ATXN1: variants seen among roughly 807,000 people sequenced by gnomAD.
ATXN1 encodes the protein ataxin-1.
A neutral mutation model predicts 56.4 loss-of-function variants in ATXN1; 8 were observed. The observed-to-expected ratio is 0.14, with a 90% CI of 0.08 to 0.26. The LOEUF (loss-of-function observed/expected upper bound fraction) is 0.26, where lower values mean the gene tolerates loss of function less well. Among genes scored for constraint, ATXN1 ranks in the 10% least tolerant of loss-of-function variants. The pLI, the probability that ATXN1 is intolerant of heterozygous loss-of-function variation, is 1.00. For synonymous variants in ATXN1, 514 were observed against 494.6 expected (o/e 1.04, Z -0.52); for missense variants, 987 against 1,106.5 (o/e 0.89, Z 1.53).
chr6:16,441,137 G>A (rs1176947555), intron 6 of ATXN1, among the ~76,000 whole-genome samples: 1 of 152,160 alleles, frequency 6.6e-6, no homozygotes, highest in Non-Finnish European at 1.5e-5. Flanking sequence ...AGGTGCTTAG[G>A]TGTTACGGAG....
chr6:16,564,286 A>G (rs1233539372), intron 4 of ATXN1, among the ~76,000 whole-genome samples: 1 of 150,258 alleles, frequency 6.7e-6, no homozygotes, highest in Non-Finnish European at 1.5e-5. Flanking sequence ...AGAGGAGGCC[A>G]TCGTGAAGCG....
At chr6:16,462,594 A>G (rs1259509477) in intron 6 of ATXN1, among the ~76,000 whole-genome samples, 5 of 152,140 alleles carry the variant, frequency 3.3e-5, no homozygotes, top group Non-Finnish European at 5.9e-5. Context: ...CGGGACAAAA[A>G]TCCTAATCAC....
At chr6:16,652,122 A>T (rs1414179356) in intron 3 of ATXN1, 1 of 152,240 alleles carries the variant, frequency 6.6e-6, no homozygotes, top group African/African-American at 2.4e-5. Flanking sequence ...TTAGCCTGTG[A>T]TAGCATCAGC....
chr6:16,532,939 T>A (rs2113708252), intron 4 of ATXN1, among the ~76,000 whole-genome samples: 1 of 152,330 alleles, frequency 6.6e-6, no homozygotes. Context: ...ATACCAGTGT[T>A]CATAGCCACA....
chr6:16,594,089 AG>A (rs1433846555), intron 3 of ATXN1, among the ~76,000 whole-genome samples: 1 of 149,436 alleles, frequency 6.7e-6, no homozygotes, highest in East Asian at 1.9e-4. Flanking sequence ...ATTAGTCTAC[AG>A]GGATAGAAGC....
chr6:16,343,606 C>G (rs1350763994), intron 6 of ATXN1, among the ~76,000 whole-genome samples: 1 of 152,170 alleles, frequency 6.6e-6, no homozygotes, highest in Non-Finnish European at 1.5e-5. Flanking sequence ...TGTCACTGCT[C>G]TATCATGTCA....
chr6:16,673,187 C>T (rs1164554074), intron 2 of ATXN1, among the ~76,000 whole-genome samples: 2 of 129,150 alleles, frequency 1.5e-5, no homozygotes, highest in African/African-American at 6.0e-5. Flanking sequence ...AAAACAGTTG[C>T]TTTAAGCCAC....
chr6:16,655,407 G>A (rs1448488532), intron 3 of ATXN1, among the ~76,000 whole-genome samples: 20 of 151,852 alleles, frequency 1.3e-4, no homozygotes, highest in Admixed American at 1.1e-3. Context: ...CTGTAGTCTC[G>A]GCTACTGGTC....
At chr6:16,630,504 A>G (rs559958932) in intron 3 of ATXN1, among the ~76,000 whole-genome samples, 27 of 152,338 alleles carry the variant, frequency 1.8e-4, no homozygotes, top group Admixed American at 6.5e-4. Context: ...AAAAGCTAAC[A>G]GAAGTGACCA....
At chr6:16,691,294 C>T (rs929682385) in intron 2 of ATXN1, among the ~76,000 whole-genome samples, 13 of 152,154 alleles carry the variant, frequency 8.5e-5, no homozygotes, top group Admixed American at 5.9e-4. Context: ...CTTACACCTA[C>T]GGCATCCATG....
At chr6:16,551,064 T>A (rs1175549066) in intron 4 of ATXN1, among the ~76,000 whole-genome samples, 1 of 152,192 alleles carries the variant, frequency 6.6e-6, no homozygotes, top group African/African-American at 2.4e-5. Context: ...TAATTCAACC[T>A]AACATCCTTG....
In ATXN1 at chr6:16,378,460, G is replaced by A. The variant is rs141094055; in HGVS notation, c.-160-49990C>T. 2.1e-4 allele frequency among the ~76,000 whole-genome samples: 32 copies of A among 152,242 alleles called. 1 individual carries two copies. Among genetic ancestry groups the A allele is most frequent in the African/African-American group, 6.5e-4 (27 of 41,536 alleles). The stretch of plus-strand genomic sequence containing the variant: ...CAGGAGCACAGAATATGTAACTTGT[G>A]GAGCCAGGACTAGAAAACAAATCTA... On this transcript the variant is annotated intron_variant, in intron 6 of 7. Coordinates refer to ENST00000436367, the MANE Select transcript of ATXN1 (RefSeq NM_001128164.2).
At chr6:16,411,854 A>G (rs1253486296) in intron 6 of ATXN1, among the ~76,000 whole-genome samples, 3 of 152,218 alleles carry the variant, frequency 2.0e-5, no homozygotes, top group Non-Finnish European at 4.4e-5. Context: ...GATATGCCAC[A>G]TATCATCTTG....
Position 16,673,056 on chromosome 6 carries a change from C to T in ATXN1, c.-614-15155G>A, listed in dbSNP as rs963052969. ...AAAAAAGAAAAGAAAAGAAAGAAAA[C>T]GGAAAAGGCAAGGATATGAATTATT... On this transcript the variant is annotated intron_variant, in intron 2 of 7. Transcript: ENST00000436367. Among the ~76,000 whole-genome samples the T allele has an allele frequency of 7.6e-5, 11 of 145,218 alleles. No individual in the cohort carries two copies. In the East Asian group the frequency reaches 8.0e-4, roughly 11 times the overall value.
intron 4 of ATXN1, among the ~76,000 whole-genome samples, chr6:16,544,050 G>A (rs932261070): frequency 3.9e-5 from 6 of 152,136 alleles, no homozygotes; most frequent in African/African-American, 1.4e-4. Flanking sequence ...TCCAGTCCTG[G>A]GTGTGCCATC....
chr6:16,478,526 G>C (rs549143456), intron 6 of ATXN1, among the ~76,000 whole-genome samples: 1 of 152,174 alleles, frequency 6.6e-6, no homozygotes, highest in Non-Finnish European at 1.5e-5. Context: ...CCTTCTTTTA[G>C]AGATCAAAGA....
chr6:16,467,108 T>C lies in ATXN1; in HGVS notation c.-161+18864A>G, dbSNP rs192838831. Among the ~76,000 whole-genome samples the C allele has an allele frequency of 1.1e-3, 164 of 151,716 alleles. 1 individual carries two copies. The highest frequency in any genetic ancestry group is 3.4e-3 in the Middle Eastern group (1 of 294). Reference sequence around the variant, plus strand: ...AAGTCACAAAAAGTAATGGAAGGAGTAGTAACAACAGCAGCAAAGGGAAAT... The same window carrying C: ...AAGTCACAAAAAGTAATGGAAGGAGCAGTAACAACAGCAGCAAAGGGAAAT... On this transcript the variant is annotated intron_variant, in intron 6 of 7. Transcript: ENST00000436367.
At chr6:16,526,316 GTTCT>G (rs1761393904) in intron 4 of ATXN1, among the ~76,000 whole-genome samples, 1 of 151,958 alleles carries the variant, frequency 6.6e-6, no homozygotes, top group South Asian at 2.1e-4. Context: ...GTAGCATGTG[GTTCT>G]TTTTCTTCTA....
At chr6:16,434,905 A>T (rs1326272115) in intron 6 of ATXN1, among the ~76,000 whole-genome samples, 1 of 152,236 alleles carries the variant, frequency 6.6e-6, no homozygotes. Context: ...CAGTTGGAAG[A>T]GGTGTAAAAA....
Sources: allele counts gnomAD v4.1 joint callset (sites outside exome capture counted in the v4.1 genomes callset), GRCh38; gene constraint gnomAD v4.1.1; transcripts MANE v1.5; gene names NCBI Gene and HGNC (gene_info 2026-07-23, HGNC 2026-07-21).